MYOM3: variants seen among roughly 807,000 people sequenced by gnomAD.
MYOM3 encodes myomesin 3.
A neutral mutation model predicts 191.7 loss-of-function variants in MYOM3; 155 were observed. That is an observed-to-expected ratio of 0.81 (90% confidence interval 0.71 to 0.92). MYOM3 has a LOEUF of 0.92. Among genes scored for constraint, MYOM3 ranks in the 40% least tolerant of loss-of-function variants. The pLI, the probability that MYOM3 is intolerant of heterozygous loss-of-function variation, is 0.00. For missense variants in MYOM3, 1,889 were observed against 1,890.6 expected (o/e 1.00, Z 0.02); for synonymous variants, 757 against 762.9 (o/e 0.99, Z 0.13).
At chr1:24,082,832 G>A in intron 16 of MYOM3, 118 bp from the exon 17 acceptor site, 1 of 1,290,178 alleles carries the variant, frequency 7.8e-7, no homozygotes, top group South Asian at 1.7e-5. Context: ...TGAAGGTTCA[G>A]GTCAATTCTT....
chr1:24,076,907 T>C (rs1643608078), intron 20 of MYOM3, among the ~76,000 whole-genome samples: 1 of 151,808 alleles, frequency 6.6e-6, no homozygotes. Context: ...CTGCAACCTC[T>C]GCTTCTCCGG....
intron 4 of MYOM3, 144 bp from the exon 5 acceptor site, chr1:24,106,221 G>A (rs1643982425): frequency 1.0e-6 from 1 of 983,820 alleles, no homozygotes; most frequent in African/African-American, 1.6e-5. Context: ...AGCTGAGCAG[G>A]GTGGCACTGT....
chr1:24,082,138 C>A lies in MYOM3; in HGVS notation c.2143G>T (p.Glu715Ter). The change falls in exon 18 of 37, where the codon GAA becomes TAA. Residue 715 changes from glutamate (E) to a stop codon, truncating the protein, a stop_gained. Coordinates refer to ENST00000374434, the MANE Select transcript of MYOM3 (RefSeq NM_152372.4). LOFTEE classifies it high-confidence loss of function. The part of the protein sequence containing the change: ...GFALLNCGKN[E>*]MVIGWKPPKR... ...GGGGGTTTCCACCCAATGACCATTTCATTCTTCCCGCAGTTCAGGAGGGCA... is the reference window on the plus strand; with the variant it reads ...GGGGGTTTCCACCCAATGACCATTTAATTCTTCCCGCAGTTCAGGAGGGCA... 1 of 1,613,612 alleles carries A rather than the reference C, an allele frequency of 6.2e-7. No individual in the cohort carries two copies.
At chr1:24,064,425 A>G (rs1305974298) in intron 29 of MYOM3, among the ~76,000 whole-genome samples, 1 of 152,198 alleles carries the variant, frequency 6.6e-6, no homozygotes, top group Non-Finnish European at 1.5e-5. Context: ...GGACAGAACC[A>G]GACACCTTCG....
chr1:24,111,511 G>C lies in MYOM3; in HGVS notation c.-19+520C>G, dbSNP rs994751196. ...CTGCCCTTGCCAGTCATGAGCTGAG[G>C]CAACTCCTTTCCCGTCTGGGCCTCG... On this transcript the variant is annotated intron_variant, in intron 1 of 36. Transcript: ENST00000374434. This position sits in a 1 kb window ranked among gnomAD's most constrained non-coding sequence, Gnocchi z 4.7. Among the ~76,000 whole-genome samples, 2 of 152,334 alleles carry C rather than the reference G, an allele frequency of 1.3e-5. No individual in the cohort carries two copies. The highest frequency in any genetic ancestry group is 3.4e-3 in the Middle Eastern group (1 of 294).
rs1216952343 is a variant in MYOM3 at position 24,089,537 on chromosome 1, C to T, written c.1614+1G>A. 1 of 1,597,228 alleles carries T rather than the reference C, an allele frequency of 6.3e-7. No homozygotes were observed. Among genetic ancestry groups the T allele is most frequent in the South Asian group, 1.1e-5 (1 of 87,978 alleles). On this transcript the variant is annotated splice_donor_variant, in intron 14 of 36. Coordinates refer to ENST00000374434, the MANE Select transcript of MYOM3 (RefSeq NM_152372.4). LOFTEE classifies it high-confidence loss of function. ...GGGGCTGGGGCCTCGGGGTTCCCTA[C>T]CTTCTCCAGGGAGTACGTCAGTGGT...
chr1:24,093,227 C>T, intron 9 of MYOM3, 119 bp from the exon 10 acceptor site: 1 of 674,626 alleles, frequency 1.5e-6, no homozygotes, highest in Non-Finnish European at 2.6e-6. Flanking sequence ...TGGTGAGGCT[C>T]AGCTCAGGCC....
rs1643402101 is a variant in MYOM3, at chr1:24,063,846, AG to A, written c.3622+225del. On this transcript the variant is annotated intron_variant, in intron 30 of 36. Transcript: ENST00000374434. This position sits in a 1 kb window ranked among gnomAD's most constrained non-coding sequence, Gnocchi z 4.5. ...AGTGAACTCAGGCTTCGGGTCTCCA[AG>A]CCTGGGCTCACTGTGGTATACTGTG... Among the ~76,000 whole-genome samples the A allele has an allele frequency of 6.6e-6, 1 of 152,146 alleles. No individual in the cohort carries two copies. The highest frequency in any genetic ancestry group is 1.5e-5 in the Non-Finnish European group (1 of 68,022).
At chr1:24,069,829 T>C (rs1015469110) in intron 25 of MYOM3, among the ~76,000 whole-genome samples, 13 of 152,304 alleles carry the variant, frequency 8.5e-5, no homozygotes, top group African/African-American at 2.9e-4. Context: ...CAGGCTGGTC[T>C]TGAACTCCTG....
At chr1:24,071,358 CT>C in intron 24 of MYOM3, 105 bp from the exon 25 acceptor site, 1 of 1,365,640 alleles carries the variant, frequency 7.3e-7, no homozygotes, top group Non-Finnish European at 9.9e-7. Flanking sequence ...CATGCAAAAC[CT>C]TTAGAGAACC....
intron 9 of MYOM3, among the ~76,000 whole-genome samples, chr1:24,094,550 T>G (rs778007427): frequency 3.5e-4 from 53 of 152,228 alleles, no homozygotes; most frequent in Admixed American, 2.0e-3. Flanking sequence ...ACAATTGTGC[T>G]GATGGCTTCC....
In MYOM3 at chr1:24,057,433, G is replaced by T; in HGVS notation, c.4245C>A (p.Ser1415=). 1 of 1,614,130 alleles carries T rather than the reference G, an allele frequency of 6.2e-7. No homozygotes were observed. The highest frequency in any genetic ancestry group is 8.5e-7 in the Non-Finnish European group (1 of 1,180,030). Residue 1415 remains serine (S), a synonymous_variant, in exon 37 of 37, where the codon TCC becomes TCA. Transcript: ENST00000374434. ...YGVFVKNKYG[S]ETGQVTISVF... is the part of the protein sequence containing the mutation. Reference sequence around the variant, plus strand: ...CACTGATGGTGACCTGGCCCGTCTCGGAGCCATACTTGTTCTTGACGAAGA... The same window carrying T: ...CACTGATGGTGACCTGGCCCGTCTCTGAGCCATACTTGTTCTTGACGAAGA...
Position 24,067,027 on chromosome 1 carries a change from C to G in MYOM3, c.3417G>C (p.Thr1139=). The change falls in exon 28 of 37, where the codon ACG becomes ACC. Residue 1139 remains threonine, a synonymous_variant. Coordinates refer to ENST00000374434, the MANE Select transcript of MYOM3 (RefSeq NM_152372.4). ...KVTEDCQVQL[T]CKVTNTKKET... is the part of the protein sequence containing the mutation. ...AGGGCAGGGCAGGACTTGCCTTGCA[C>G]GTCAGCTGCACTTGGCAGTCCTCCG... 1 of 1,570,902 alleles carries G rather than the reference C, an allele frequency of 6.4e-7. No homozygotes were observed. The highest frequency in any genetic ancestry group is 8.6e-7 in the Non-Finnish European group (1 of 1,156,230).
intron 23 of MYOM3, 24 bp downstream of exon 23, chr1:24,074,136 C>G: frequency 1.3e-6 from 2 of 1,570,696 alleles, no homozygotes; most frequent in South Asian, 1.1e-5. Flanking sequence ...GGGGAGGTGG[C>G]AGGGAGCGGG....
rs376372957 is a variant in MYOM3 at position 24,067,051 on chromosome 1, C to A, written c.3393G>T (p.Thr1131=). ...YFERPLQWKV[T]EDCQVQLTCK... ...ACGTCAGCTGCACTTGGCAGTCCTC[C>A]GTGACCTTCCACTGCAACGGCCGCT... Residue 1131 remains threonine (T), a synonymous_variant, in exon 28 of 37, where the codon ACG becomes ACT. Coordinates refer to ENST00000374434, the MANE Select transcript of MYOM3 (RefSeq NM_152372.4). 6.3e-7 allele frequency: 1 copy of A among 1,578,526 alleles called. No homozygotes were observed. The highest frequency in any genetic ancestry group is 8.6e-7 in the Non-Finnish European group (1 of 1,160,124).
intron 1 of MYOM3, among the ~76,000 whole-genome samples, chr1:24,109,392 A>G (rs919093003): frequency 1.6e-5 from 2 of 128,592 alleles, no homozygotes; most frequent in Admixed American, 8.0e-5. Context: ...CTTAGTAAGT[A>G]CAACATAAGT....
chr1:24,108,589 G>C lies in MYOM3; in HGVS notation c.48C>G (p.Pro16=), dbSNP rs779989002. 15 of 1,568,162 alleles carry C rather than the reference G, an allele frequency of 9.6e-6. No individual in the cohort carries two copies. The highest frequency in any genetic ancestry group is 2.0e-5 in the Admixed American group (1 of 51,220). Residue 16 remains proline, a synonymous_variant, in exon 2 of 37, where the codon CCC becomes CCG. Coordinates refer to ENST00000374434, the MANE Select transcript of MYOM3 (RefSeq NM_152372.4). The part of the protein sequence containing the change: ...SLGGAGDPRP[P]QAMEVHRLEH... ...CCAGCCTGTGAACCTCCATGGCCTG[G>C]GGGGGCCGGGGGTCCCCCGCACCTC... is the stretch of plus-strand genomic sequence containing the variant.
intron 20 of MYOM3, among the ~76,000 whole-genome samples, chr1:24,076,604 C>T (rs1643604308): frequency 2.3e-5 from 2 of 86,906 alleles, no homozygotes; most frequent in South Asian, 6.1e-4. Flanking sequence ...AGCTCCACCT[C>T]CCGGGTTCAC....
At position 24,107,238 on chromosome 1, in the gene MYOM3, G is replaced by A. The variant is rs755359490; in HGVS notation, c.243-6C>T. On this transcript the variant is annotated splice_region_variant and splice_polypyrimidine_tract_variant and intron_variant, in intron 3 of 36. Coordinates refer to ENST00000374434, the MANE Select transcript of MYOM3 (RefSeq NM_152372.4). Reference sequence around the variant, plus strand: ...GGCGTCTCAGCTGGGCTTCCCTGCCGTGACAGAGGCCATCGGGGCTCAGGC... The same window carrying A: ...GGCGTCTCAGCTGGGCTTCCCTGCCATGACAGAGGCCATCGGGGCTCAGGC... 1.6e-5 allele frequency: 25 copies of A among 1,592,602 alleles called. No homozygotes were observed. The highest frequency in any genetic ancestry group is 4.6e-5 in the South Asian group (4 of 87,598).
Sources: allele counts gnomAD v4.1 joint callset (sites outside exome capture counted in the v4.1 genomes callset), GRCh38; gene constraint gnomAD v4.1.1; non-coding constraint Gnocchi (gnomAD v3.1); transcripts MANE v1.5; gene names NCBI Gene and HGNC (gene_info 2026-07-23, HGNC 2026-07-21).